ANKRD24: variants seen among roughly 807,000 people sequenced by gnomAD.
ANKRD24 encodes the protein ankyrin repeat domain-containing protein 24.
In ANKRD24, 109 loss-of-function variants were observed where a neutral mutation model predicts 127.8. The observed-to-expected ratio is 0.85, with a 90% confidence interval of 0.73 to 1.00. The LOEUF (loss-of-function observed/expected upper bound fraction) is 1.00. ANKRD24 is among the 50% of genes least tolerant of loss of function. ANKRD24 has a pLI of 0.00. For missense variants in ANKRD24, 1,648 were observed against 1,570.2 expected (o/e 1.05, Z -0.84); for synonymous variants, 743 against 671.1 (o/e 1.11, Z -1.66).
At chr19:4,219,781 T>G in intron 19 of ANKRD24, 23 bp downstream of exon 19, 1 of 1,581,152 alleles carries the variant, frequency 6.3e-7, no homozygotes, top group Non-Finnish European at 8.6e-7. Flanking sequence ...TCTCCCACAC[T>G]CAGTCAGGGA....
At position 4,199,816 on chromosome 19, in the gene ANKRD24, G is replaced by A. The variant is rs1424223285; in HGVS notation, c.123+47G>A. 2 of 1,534,080 alleles carry A rather than the reference G, an allele frequency of 1.3e-6. No individual in the cohort carries two copies. Among genetic ancestry groups the A allele is most frequent in the East Asian group, 2.5e-5 (1 of 40,710 alleles). On this transcript the variant is annotated intron_variant, in intron 3 of 21. Transcript: ENST00000318934. The surrounding 1 kb of genome is among the most constrained non-coding windows in gnomAD (Gnocchi z 5.2). Reference sequence around the variant, plus strand: ...GTGAGAGCCCGGAGCCCCTGTCGGGGGCGTGGGGAGGGGACAGCAGCCAAC... The same window carrying A: ...GTGAGAGCCCGGAGCCCCTGTCGGGAGCGTGGGGAGGGGACAGCAGCCAAC...
intron 6 of ANKRD24, 82 bp downstream of exon 6, chr19:4,202,172 C>A: frequency 7.8e-7 from 1 of 1,288,894 alleles, no homozygotes; most frequent in South Asian, 1.2e-5. Context: ...CCCAGATGCT[C>A]TATGAATCCT....
intron 18 of ANKRD24, 144 bp from the exon 19 acceptor site, chr19:4,219,447 G>C (rs1159098808): frequency 1.2e-6 from 1 of 844,088 alleles, no homozygotes; most frequent in South Asian, 2.3e-5. Flanking sequence ...AGCCAGGAGT[G>C]CAGGTCCGGA....
At chr19:4,209,729 G>T (rs1253085223) in intron 11 of ANKRD24, among the ~76,000 whole-genome samples, 2 of 152,204 alleles carry the variant, frequency 1.3e-5, no homozygotes, top group African/African-American at 4.8e-5. Flanking sequence ...TGGGATTACA[G>T]GTGTGAGCCA....
intron 17 of ANKRD24, 41 bp from the exon 18 acceptor site, chr19:4,216,509 T>C: frequency 1.3e-6 from 2 of 1,570,582 alleles, no homozygotes; most frequent in Non-Finnish European, 1.7e-6. Flanking sequence ...CACGGTCACA[T>C]CAACTCCTGC....
At position 4,217,181 on chromosome 19, in the gene ANKRD24, C is replaced by T. The variant is rs944238589; in HGVS notation, c.2021C>T (p.Ala674Val). The change falls in exon 18 of 22, where the codon GCC becomes GTC. Residue 674 changes from alanine to valine, a missense_variant. Ala to Val is a moderately conservative substitution (Grantham distance 64). Transcript: ENST00000318934. ...GTCACAGGGACCACAAACATGGAGG[C>T]CACGGGCTCTAGGGCCACAGGGATG... ...PPVTGTTNME[A>V]TGSRATGMES... The T allele has an allele frequency of 1.2e-6, 2 of 1,610,800 alleles. No individual in the cohort carries two copies. The highest frequency in any genetic ancestry group is 1.7e-6 in the Non-Finnish European group (2 of 1,177,932).
Position 4,217,047 on chromosome 19 carries a change from C to A in ANKRD24, c.1887C>A (p.Asp629Glu). ...ETKPTGAQATDTETTGVEAMG... is the reference protein window; with the variant it reads ...ETKPTGAQATETETTGVEAMG... Reference sequence around the variant, plus strand: ...AGCCCACAGGAGCTCAGGCCACAGACACAGAGACCACGGGAGTGGAGGCCA... The same window carrying A: ...AGCCCACAGGAGCTCAGGCCACAGAAACAGAGACCACGGGAGTGGAGGCCA... The change falls in exon 18 of 22, where the codon GAC (aspartate) becomes GAA (glutamate). Residue 629 changes from aspartate (D) to glutamate (E), a missense_variant. Transcript: ENST00000318934. 1 of 1,613,844 alleles carries A rather than the reference C, an allele frequency of 6.2e-7. No homozygotes were observed. The highest frequency in any genetic ancestry group is 1.3e-5 in the African/African-American group (1 of 75,022).
Position 4,210,137 on chromosome 19 carries a change from C to T in ANKRD24, c.950C>T (p.Pro317Leu), listed in dbSNP as rs370324529. The change falls in exon 12 of 22, where the codon CCG becomes CTG. Residue 317 changes from proline to leucine, a missense_variant and splice_region_variant. Pro to Leu is a moderately conservative substitution (Grantham distance 98, BLOSUM62 -3). Coordinates refer to ENST00000318934, the MANE Select transcript of ANKRD24 (RefSeq NM_001393985.1). ...CCACCTCCCGCCAGCATTCCCATGCCGGTGAGAGATGCTCTGGGCACGGGA... is the reference window on the plus strand; with the variant it reads ...CCACCTCCCGCCAGCATTCCCATGCTGGTGAGAGATGCTCTGGGCACGGGA... ...APPPPASIPMPDDRDAYEEIV... is the reference protein window; with the variant it reads ...APPPPASIPMLDDRDAYEEIV... The T allele has an allele frequency of 1.0e-4, 165 of 1,607,032 alleles. No individual in the cohort carries two copies. Among genetic ancestry groups the T allele is most frequent in the Non-Finnish European group, 1.2e-4 (140 of 1,177,058 alleles).
chr19:4,218,781 G>A (rs2145410697), intron 18 of ANKRD24, among the ~76,000 whole-genome samples: 1 of 117,706 alleles, frequency 8.5e-6, no homozygotes, highest in South Asian at 2.8e-4. Flanking sequence ...GACAGGGTGT[G>A]GCTCTGTCTG....
chr19:4,212,768 AGAC>A (rs1175065569), intron 15 of ANKRD24, 70 bp downstream of exon 15: 2 of 1,384,154 alleles, frequency 1.4e-6, no homozygotes, highest in Non-Finnish European at 2.0e-6. Context: ...AGCAGCGACA[AGAC>A]AGTCACACCA....
At chr19:4,223,391 ATATATATATATT>A (rs1158579293) in intron 20 of ANKRD24, among the ~76,000 whole-genome samples, 1 of 84,786 alleles carries the variant, frequency 1.2e-5, no homozygotes, top group Non-Finnish European at 2.1e-5. Flanking sequence ...ATATATATAT[ATATATATATATT>A]TTTTTTTTTT....
chr19:4,182,821 T>A, intron 1 of ANKRD24, 81 bp downstream of exon 1: 1 of 859,296 alleles, frequency 1.2e-6, no homozygotes, highest in Non-Finnish European at 1.4e-6. Context: ...AGTTCTCCAG[T>A]CACCTCTAAA....
intron 8 of ANKRD24, 24 bp from the exon 9 acceptor site, chr19:4,207,477 C>T (rs1040033990): frequency 3.1e-6 from 5 of 1,607,652 alleles, no homozygotes; most frequent in South Asian, 2.2e-5. Flanking sequence ...CTCATGCCAT[C>T]GCATCCCTCC....
chr19:4,196,611 G>A (rs1211129686), intron 2 of ANKRD24, among the ~76,000 whole-genome samples: 1 of 152,152 alleles, frequency 6.6e-6, no homozygotes, highest in Admixed American at 6.6e-5. Flanking sequence ...CTGACCTCAG[G>A]TGATCTGCCC....
intron 20 of ANKRD24, 132 bp downstream of exon 20, chr19:4,222,927 C>A: frequency 1.9e-6 from 2 of 1,042,606 alleles, no homozygotes; most frequent in Non-Finnish European, 2.6e-6. Context: ...ACATCACATG[C>A]ACGGCATGGC....
intron 10 of ANKRD24, 93 bp downstream of exon 10, chr19:4,208,061 G>A (rs1389888602): frequency 1.7e-5 from 22 of 1,301,132 alleles, no homozygotes; most frequent in Non-Finnish European, 2.0e-5. Context: ...AGGTACCCCC[G>A]ATTGGCTGCA....
At chr19:4,211,596 A>G (rs376850592) in intron 13 of ANKRD24, among the ~76,000 whole-genome samples, 7 of 152,134 alleles carry the variant, frequency 4.6e-5, no homozygotes, top group African/African-American at 1.7e-4. Flanking sequence ...GTGAGCCAAG[A>G]TCACACCACT....
rs1157113016 is a variant in ANKRD24 at position 4,212,465 on chromosome 19, C to T, written c.1060-10C>T. On this transcript the variant is annotated splice_polypyrimidine_tract_variant and intron_variant, in intron 13 of 21. Transcript: ENST00000318934. ...CAGATCCAAACCCCTGTCCCTGTTTCTCCCGTCAGTCCCCGGAGGCCAGCT... is the reference window on the plus strand; with the variant it reads ...CAGATCCAAACCCCTGTCCCTGTTTTTCCCGTCAGTCCCCGGAGGCCAGCT... The T allele has an allele frequency of 1.2e-5, 19 of 1,576,088 alleles. No individual in the cohort carries two copies. The highest frequency in any genetic ancestry group is 5.6e-5 in the Admixed American group (3 of 53,582).
At chr19:4,196,337 TTTGTTG>T (rs112815640) in intron 2 of ANKRD24, among the ~76,000 whole-genome samples, 9 of 151,192 alleles carry the variant, frequency 6.0e-5, no homozygotes, top group Admixed American at 4.0e-4. Context: ...AGACCTCGGT[TTTGTTG>T]TTGTTGTTGT....
Sources: allele counts gnomAD v4.1 joint callset (sites outside exome capture counted in the v4.1 genomes callset), GRCh38; gene constraint gnomAD v4.1.1; non-coding constraint Gnocchi (gnomAD v3.1); transcripts MANE v1.5; gene names NCBI Gene and HGNC (gene_info 2026-07-23, HGNC 2026-07-21).